FASTKD1: variants seen among roughly 807,000 people sequenced by gnomAD.
FASTKD1 encodes the protein FAST kinase domain-containing protein 1, mitochondrial.
Under a neutral mutation model 90.9 loss-of-function variants are expected in FASTKD1, and 94 were observed. That is an observed-to-expected ratio of 1.03 (90% CI 0.88 to 1.23). The LOEUF (loss-of-function observed/expected upper bound fraction) is 1.23, where lower values mean the gene tolerates loss of function less well. Among genes scored for constraint, FASTKD1 ranks in the 50% most tolerant of loss-of-function variants. FASTKD1 has a pLI of 0.00. For missense variants in FASTKD1, 945 were observed against 993.5 expected (o/e 0.95, Z 0.66); for synonymous variants, 319 against 345.8 (o/e 0.92, Z 0.86).
At chr2:169,558,321 C>G (rs558782406) in intron 5 of FASTKD1, among the ~76,000 whole-genome samples, 1 of 152,258 alleles carries the variant, frequency 6.6e-6, no homozygotes, top group East Asian at 1.9e-4. Context: ...AGTGCAGGAG[C>G]ATGATAGCTC....
chr2:169,561,070 G>A (rs573235097), intron 4 of FASTKD1, among the ~76,000 whole-genome samples: 1 of 151,088 alleles, frequency 6.6e-6, no homozygotes, highest in South Asian at 2.1e-4. Context: ...AGGCCGAGGT[G>A]GGCAGATCAC....
chr2:169,549,318 G>A (rs1192475267), intron 7 of FASTKD1, among the ~76,000 whole-genome samples: 2 of 151,834 alleles, frequency 1.3e-5, no homozygotes, highest in African/African-American at 4.8e-5. Flanking sequence ...CAGGAGAATC[G>A]GTTGAACCTG....
chr2:169,553,233 T>G, intron 7 of FASTKD1, among the ~76,000 whole-genome samples: 1 of 25,898 alleles, frequency 3.9e-5, no homozygotes, highest in East Asian at 1.0e-3. Flanking sequence ...TAAAAATAAA[T>G]AAAAACATAA....
chr2:169,569,827 G>A (rs919491417), intron 2 of FASTKD1, among the ~76,000 whole-genome samples: 3 of 151,940 alleles, frequency 2.0e-5, no homozygotes, highest in Non-Finnish European at 4.4e-5. Flanking sequence ...CTCCAGCCTC[G>A]GTGACAGAGT....
chr2:169,555,562 C>T (rs889586616), intron 6 of FASTKD1, among the ~76,000 whole-genome samples: 60 of 152,150 alleles, frequency 3.9e-4, no homozygotes, highest in Admixed American at 3.9e-3. Flanking sequence ...CCACATCCTC[C>T]CCATAACAAA....
rs1469504866 is a variant in FASTKD1 at position 169,561,746 on chromosome 2, T to TTG, written c.573-962_573-961insCA. Among the ~76,000 whole-genome samples, 181 of 147,030 alleles carry TTG rather than the reference T, an allele frequency of 1.2e-3. 6 individuals are homozygous for TTG. Among genetic ancestry groups the TTG allele is most frequent in the Non-Finnish European group, 1.6e-3 (109 of 66,776 alleles). On this transcript the variant is annotated intron_variant, in intron 4 of 14. Coordinates refer to ENST00000453153, the MANE Select transcript of FASTKD1 (RefSeq NM_024622.6). ...TAATCTATTATAAATTAATTATTCA[T>TTG]TATAAATTATTTATTAATTTATTGT...
intron 9 of FASTKD1, among the ~76,000 whole-genome samples, chr2:169,540,396 C>T (rs1366030061): frequency 4.6e-5 from 7 of 152,122 alleles, no homozygotes; most frequent in Non-Finnish European, 8.8e-5. Flanking sequence ...TGTGATAATA[C>T]GCTGTGTCTT....
chr2:169,537,152 T>G, intron 12 of FASTKD1, 75 bp downstream of exon 12: 2 of 928,394 alleles, frequency 2.2e-6, no homozygotes, highest in Non-Finnish European at 3.4e-6. Context: ...TTTAAAAAAT[T>G]CCAACTGATA....
Position 169,540,065 on chromosome 2 carries a change from T to G in FASTKD1, c.1931A>C (p.Asp644Ala), listed in dbSNP as rs1315395074. 1 of 1,588,050 alleles carries G rather than the reference T, an allele frequency of 6.3e-7. No homozygotes were observed. The highest frequency in any genetic ancestry group is 1.8e-5 in the Admixed American group (1 of 56,802). ...IFNIKFLARL[D>A]SQLEILSPSR... is the part of the protein sequence containing the mutation. Reference sequence around the variant, plus strand: ...TAGATACATACTTTCAAGTTGAGAATCCAATCTAGCTAAGAATTTGATGTT... The same window carrying G: ...TAGATACATACTTTCAAGTTGAGAAGCCAATCTAGCTAAGAATTTGATGTT... The change falls in exon 10 of 15, where the codon GAT becomes GCT. Residue 644 changes from aspartate (D) to alanine (A), a missense_variant. Asp to Ala is a moderately radical substitution (Grantham distance 126). Transcript: ENST00000453153.
chr2:169,537,432 T>G, intron 11 of FASTKD1, 92 bp from the exon 12 acceptor site: 1 of 827,084 alleles, frequency 1.2e-6, no homozygotes, highest in Non-Finnish European at 1.9e-6. Context: ...TTGCCCAGGC[T>G]GGAATGCAAC....
In FASTKD1 at chr2:169,547,302, G is replaced by A. The variant is rs535269502; in HGVS notation, c.1215-598C>T. The stretch of plus-strand genomic sequence containing the variant: ...GGAACCTCCACGTGTTCGGCTATCC[G>A]GAAGCAGTCCAAACCCAGTCTTCTT... On this transcript the variant is annotated intron_variant, in intron 7 of 14. Transcript: ENST00000453153. Among the ~76,000 whole-genome samples the A allele has an allele frequency of 4.5e-4, 68 of 152,298 alleles. No homozygotes were observed. The South Asian group carries it at 7.9e-3, about 18-fold the overall frequency.
Position 169,560,803 on chromosome 2 carries a change from T to C in FASTKD1, c.573-18A>G, listed in dbSNP as rs773379428. 16 of 1,411,392 alleles carry C rather than the reference T, an allele frequency of 1.1e-5. No homozygotes were observed. The highest frequency in any genetic ancestry group is 1.0e-4 in the African/African-American group (7 of 67,500). The allele number at this position is 1,411,392 out of a possible 1,614,324, so 87.4% of individuals were successfully genotyped here. A position where few individuals can be genotyped will look rare whatever the true frequency, so the allele number is the denominator to read the frequency against. On this transcript the variant is annotated intron_variant, in intron 4 of 14. Coordinates refer to ENST00000453153, the MANE Select transcript of FASTKD1 (RefSeq NM_024622.6). ...ACAAGGAACTGAAAAAGAAAAAAGA[T>C]GCAAAGATTTTTACATCAATTAAGA...
chr2:169,572,631 C>T (rs966483544), intron 1 of FASTKD1, among the ~76,000 whole-genome samples: 3 of 150,620 alleles, frequency 2.0e-5, no homozygotes, highest in Non-Finnish European at 4.4e-5. Flanking sequence ...TTTTCTTGTG[C>T]CCTTAAAGAG....
At chr2:169,543,779 G>A (rs1035855319) in intron 9 of FASTKD1, among the ~76,000 whole-genome samples, 1 of 150,336 alleles carries the variant, frequency 6.7e-6, no homozygotes, top group Non-Finnish European at 1.5e-5. Flanking sequence ...CAATTTTTCT[G>A]TATATTTGAA....
At chr2:169,549,350 C>A (rs1222628425) in intron 7 of FASTKD1, among the ~76,000 whole-genome samples, 1 of 151,930 alleles carries the variant, frequency 6.6e-6, no homozygotes, top group Non-Finnish European at 1.5e-5. Context: ...TTGCGGTGAG[C>A]CGAGATTGTG....
chr2:169,563,494 T>C (rs1296262995), intron 3 of FASTKD1, 144 bp from the exon 4 acceptor site: 5 of 456,012 alleles, frequency 1.1e-5, no homozygotes, highest in Middle Eastern at 7.0e-4. Flanking sequence ...AAAAGTAACA[T>C]GGCAACAGTT....
At chr2:169,544,295 C>T (rs888854314) in intron 9 of FASTKD1, among the ~76,000 whole-genome samples, 2 of 152,076 alleles carry the variant, frequency 1.3e-5, no homozygotes, top group Non-Finnish European at 2.9e-5. Context: ...TAGGGCCGGG[C>T]GCAGTGGCTC....
intron 8 of FASTKD1, 148 bp downstream of exon 8, chr2:169,546,070 A>T: frequency 1.2e-6 from 1 of 811,588 alleles, no homozygotes; most frequent in Non-Finnish European, 1.8e-6. Flanking sequence ...CGCTGGAATT[A>T]CAGGCTTGAG....
chr2:169,568,476 A>G (rs1684085680), intron 3 of FASTKD1, among the ~76,000 whole-genome samples: 1 of 151,980 alleles, frequency 6.6e-6, no homozygotes, highest in South Asian at 2.1e-4. Flanking sequence ...GAGGAAAAAT[A>G]TGAAATACTT....
Sources: allele counts gnomAD v4.1 joint callset (sites outside exome capture counted in the v4.1 genomes callset), GRCh38; gene constraint gnomAD v4.1.1; transcripts MANE v1.5; gene names NCBI Gene and HGNC (gene_info 2026-07-23, HGNC 2026-07-21).